The following BTBD9 variants were observed in gnomAD, a reference collection of about 807,000 sequenced individuals.
The protein encoded by BTBD9 is BTB domain containing 9, also known as BTB/POZ domain-containing protein 9.
A neutral mutation model predicts 64.3 loss-of-function variants in BTBD9; 49 were observed. The observed-to-expected ratio is 0.76, with a 90% CI of 0.61 to 0.97. The LOEUF is 0.97. BTBD9 is among the 50% of genes least tolerant of loss of function. The pLI is 0.00. For missense variants in BTBD9, 598 were observed against 762.1 expected, an observed-to-expected ratio of 0.78 and a Z score of 2.53; for synonymous variants, 260 against 274.7, an observed-to-expected ratio of 0.95 and a Z score of 0.53.
At chr6:38,431,337 G>A (rs1029188453) in intron 6 of BTBD9, among the ~76,000 whole-genome samples, 3 of 152,138 alleles carry the variant, frequency 2.0e-5, no homozygotes, top group African/African-American at 7.2e-5. Context: ...TGAGAACACA[G>A]TATGTGTCCA....
chr6:38,600,279 A>T (rs569802324), intron 1 of BTBD9, among the ~76,000 whole-genome samples: 4 of 152,336 alleles, frequency 2.6e-5, no homozygotes, highest in South Asian at 4.1e-4. Flanking sequence ...ATGAATAAAC[A>T]TGGCTATCTC....
chr6:38,334,463 G>T (rs1763803639), intron 7 of BTBD9, among the ~76,000 whole-genome samples: 2 of 152,068 alleles, frequency 1.3e-5, no homozygotes. Context: ...GGGAGGCTGA[G>T]GCAAGAGAAT....
intron 7 of BTBD9, among the ~76,000 whole-genome samples, chr6:38,298,090 C>T (rs1448904094): frequency 1.3e-5 from 2 of 151,812 alleles, no homozygotes; most frequent in African/African-American, 4.8e-5. Context: ...CTCCTGACAT[C>T]GTGATCTGCC....
intron 7 of BTBD9, among the ~76,000 whole-genome samples, chr6:38,312,431 T>C (rs1762872362): frequency 6.6e-6 from 1 of 152,238 alleles, no homozygotes; most frequent in East Asian, 1.9e-4. Flanking sequence ...CATCCATTTC[T>C]GCTTTGGTTG....
At chr6:38,588,139 T>C (rs1218468423) in intron 4 of BTBD9, 3 of 751,746 alleles carry the variant, frequency 4.0e-6, no homozygotes, top group Admixed American at 1.8e-5. Context: ...CTCAACAGTA[T>C]GGTATTCAGT....
rs1438406274 is a variant in BTBD9, at chr6:38,330,007, A to G, written c.1264+14977T>C. 1.3e-5 allele frequency among the ~76,000 whole-genome samples: 2 copies of G among 152,034 alleles called. 1 individual carries two copies. The highest frequency in any genetic ancestry group is 6.3e-3 in the Middle Eastern group (2 of 316). ...AGACTGGTAAGAAATAGGCAGTCTC[A>G]TATGCTGCCAAGACGTGGATGGTAC... On this transcript the variant is annotated intron_variant, in intron 7 of 10. Coordinates refer to ENST00000481247, the MANE Select transcript of BTBD9 (RefSeq NM_001099272.2).
At chr6:38,319,590 G>T (rs533257989) in intron 7 of BTBD9, among the ~76,000 whole-genome samples, 11 of 152,176 alleles carry the variant, frequency 7.2e-5, no homozygotes, top group African/African-American at 2.4e-4. Flanking sequence ...TCATCTGGGA[G>T]CTAGGGCCTG....
chr6:38,540,447 C>T (rs1774221913), intron 6 of BTBD9, among the ~76,000 whole-genome samples: 1 of 152,196 alleles, frequency 6.6e-6, no homozygotes, highest in Admixed American at 6.5e-5. Context: ...ACAGATTCCG[C>T]TGGCTTGCAG....
intron 7 of BTBD9, among the ~76,000 whole-genome samples, chr6:38,306,898 C>A (rs546399232): frequency 6.6e-6 from 1 of 152,206 alleles, no homozygotes; most frequent in Non-Finnish European, 1.5e-5. Flanking sequence ...CAATGTTTCC[C>A]TGGCTGTTTT....
intron 6 of BTBD9, among the ~76,000 whole-genome samples, chr6:38,388,915 G>C (rs1233402254): frequency 6.6e-6 from 1 of 152,126 alleles, no homozygotes; most frequent in Non-Finnish European, 1.5e-5. Flanking sequence ...TCTCAAGAAA[G>C]AAATCTGAGT....
chr6:38,183,268 C>T (rs143845351), intron 10 of BTBD9, among the ~76,000 whole-genome samples: 5,578 of 152,260 alleles, frequency 0.037, 344 homozygotes, highest in African/African-American at 0.12. Flanking sequence ...TGAGCCACCG[C>T]GCCCGGCCTA....
At chr6:38,291,858 G>A (rs1026429251) in intron 7 of BTBD9, among the ~76,000 whole-genome samples, 12 of 152,072 alleles carry the variant, frequency 7.9e-5, no homozygotes, top group African/African-American at 2.7e-4. Context: ...TGATTGTGGT[G>A]GATAAGCTTT....
chr6:38,380,725 G>T (rs1765894816), intron 6 of BTBD9, among the ~76,000 whole-genome samples: 1 of 152,162 alleles, frequency 6.6e-6, no homozygotes, highest in Non-Finnish European at 1.5e-5. Flanking sequence ...TGCGCCTGTA[G>T]TCCCAGCTAT....
intron 6 of BTBD9, among the ~76,000 whole-genome samples, chr6:38,541,161 A>G (rs1774249864): frequency 6.6e-6 from 1 of 152,226 alleles, no homozygotes; most frequent in Non-Finnish European, 1.5e-5. Flanking sequence ...TATTTATTCT[A>G]ATTTTTGTTT....
chr6:38,525,265 C>G (rs1225753408), intron 6 of BTBD9, among the ~76,000 whole-genome samples: 1 of 152,174 alleles, frequency 6.6e-6, no homozygotes, highest in Non-Finnish European at 1.5e-5. Flanking sequence ...TGCTCGCTCT[C>G]TCTCCTGCAA....
At chr6:38,328,968 A>ATGTGTG (rs70981541) in intron 7 of BTBD9, among the ~76,000 whole-genome samples, 1,376 of 127,346 alleles carry the variant, frequency 0.011, 16 homozygotes, top group African/African-American at 0.026. Flanking sequence ...GAAAGAAAAT[A>ATGTGTG]TGTGTGTGTG....
rs998101526 is a variant in BTBD9, at chr6:38,172,733, G to A, written c.*2252C>T. 6.6e-6 allele frequency: 1 copy of A among 152,490 alleles called. No individual in the cohort carries two copies. Among genetic ancestry groups the A allele is most frequent in the South Asian group, 2.1e-4 (1 of 4,838 alleles). 9.4% of individuals were successfully genotyped at this position (152,490 alleles called of 1,614,324 possible). ...AAGGGGCATCTTTAAAGTGCTAGAA[G>A]ACAGGAGGGACAGAGATCTGGAAGG... On this transcript the variant is annotated 3_prime_UTR_variant, in exon 11 of 11. Coordinates refer to ENST00000481247, the MANE Select transcript of BTBD9 (RefSeq NM_001099272.2).
chr6:38,582,243 T>A (rs1443889392), intron 4 of BTBD9, among the ~76,000 whole-genome samples: 1 of 152,224 alleles, frequency 6.6e-6, no homozygotes, highest in Non-Finnish European at 1.5e-5. Context: ...TGCTATCGAT[T>A]TATAACTTTC....
rs1474879138 is a variant in BTBD9, at chr6:38,184,041, C to G, written c.1641+8478G>C. Reference sequence around the variant, plus strand: ...TTTCCATGAATGTAATCCTAGTATACGTATTCTTTGGTGTCTGGCTTCTGT... The same window carrying G: ...TTTCCATGAATGTAATCCTAGTATAGGTATTCTTTGGTGTCTGGCTTCTGT... On this transcript the variant is annotated intron_variant, in intron 10 of 10. Transcript: ENST00000481247. The surrounding 1 kb of genome is among the most constrained non-coding windows in gnomAD (Gnocchi z 4.4). 6.6e-6 allele frequency among the ~76,000 whole-genome samples: 1 copy of G among 152,156 alleles called. No individual in the cohort carries two copies. The highest frequency in any genetic ancestry group is 6.5e-5 in the Admixed American group (1 of 15,282).
Sources: allele counts gnomAD v4.1 joint callset (sites outside exome capture counted in the v4.1 genomes callset), GRCh38; gene constraint gnomAD v4.1.1; non-coding constraint Gnocchi (gnomAD v3.1); transcripts MANE v1.5; gene names NCBI Gene and HGNC (gene_info 2026-07-23, HGNC 2026-07-21).